CD2AP: variants seen among roughly 807,000 people sequenced by gnomAD.
CD2AP encodes the protein CD2 associated protein.
A neutral mutation model predicts 85.1 loss-of-function variants in CD2AP; 46 were observed. That is an observed-to-expected ratio of 0.54 (90% CI 0.43 to 0.69). CD2AP has a LOEUF of 0.69. Ranked by LOEUF, CD2AP falls within the 30% of genes least tolerant of loss-of-function variation. CD2AP has a pLI of 0.00. For missense variants in CD2AP, 769 were observed against 729.5 expected, an observed-to-expected ratio of 1.05 and a Z score of -0.62; for synonymous variants, 255 against 252.9, an observed-to-expected ratio of 1.01 and a Z score of -0.08.
At chr6:47,580,470 A>C (rs987726912) in intron 9 of CD2AP, among the ~76,000 whole-genome samples, 13 of 152,126 alleles carry the variant, frequency 8.5e-5, no homozygotes, top group East Asian at 3.8e-4. Flanking sequence ...AACAAACAAA[A>C]AAAAAAACGG....
intron 5 of CD2AP, among the ~76,000 whole-genome samples, chr6:47,558,291 C>T (rs1301957041): frequency 4.6e-5 from 7 of 152,182 alleles, no homozygotes; most frequent in African/African-American, 7.2e-5. Context: ...ATTTTACTTC[C>T]TCTCTTCCTA....
At chr6:47,592,785 C>A (rs1768838478) in intron 11 of CD2AP, among the ~76,000 whole-genome samples, 1 of 152,126 alleles carries the variant, frequency 6.6e-6, no homozygotes, top group African/African-American at 2.4e-5. Flanking sequence ...GTTACGGAAA[C>A]TCTGCATCTC....
At chr6:47,551,711 G>A (rs796870916) in intron 4 of CD2AP, among the ~76,000 whole-genome samples, 14 of 152,256 alleles carry the variant, frequency 9.2e-5, no homozygotes, top group African/African-American at 3.4e-4. Context: ...AGCCCAAATG[G>A]CTTGTGTGGG....
At chr6:47,530,550 T>C (rs931552340) in intron 2 of CD2AP, among the ~76,000 whole-genome samples, 3 of 152,256 alleles carry the variant, frequency 2.0e-5, no homozygotes, top group African/African-American at 4.8e-5. Flanking sequence ...TGCTGAGTAG[T>C]GTTCCATTGT....
At chr6:47,512,694 TCTTG>T (rs1267629542) in intron 2 of CD2AP, among the ~76,000 whole-genome samples, 1 of 152,232 alleles carries the variant, frequency 6.6e-6, no homozygotes, top group African/African-American at 2.4e-5. Flanking sequence ...CATTTTGCCA[TCTTG>T]CTTAAGTGTT....
chr6:47,552,345 GC>G (rs1013053296), intron 4 of CD2AP, among the ~76,000 whole-genome samples: 1 of 151,374 alleles, frequency 6.6e-6, no homozygotes, highest in Non-Finnish European at 1.5e-5. Context: ...TCATTCTTAA[GC>G]CTTTGCTTCC....
chr6:47,610,973 T>TATATATA (rs1454709863), intron 16 of CD2AP, among the ~76,000 whole-genome samples: 6 of 30,042 alleles, frequency 2.0e-4, no homozygotes, highest in Non-Finnish European at 3.8e-4. Flanking sequence ...ATATATGTAT[T>TATATATA]TTTTTTTTTT....
At chr6:47,491,254 C>T (rs1765722407) in intron 1 of CD2AP, among the ~76,000 whole-genome samples, 1 of 125,116 alleles carries the variant, frequency 8.0e-6, no homozygotes, top group African/African-American at 2.9e-5. Flanking sequence ...TTCTTTCTTC[C>T]TGATATGTGT....
In CD2AP at chr6:47,482,608, G is replaced by A. The variant is rs1765472724; in HGVS notation, c.4+4360G>A. Among the ~76,000 whole-genome samples the A allele has an allele frequency of 1.3e-5, 2 of 152,036 alleles. 1 individual carries two copies. Among genetic ancestry groups the A allele is most frequent in the South Asian group, 4.2e-4 (2 of 4,818 alleles). ...TTAGCCAGGATGGTCTCGATCTCCT[G>A]ACCTTGTAATCTGCCCCCCTCAGCC... On this transcript the variant is annotated intron_variant, in intron 1 of 17. Coordinates refer to ENST00000359314, the MANE Select transcript of CD2AP (RefSeq NM_012120.3).
intron 2 of CD2AP, among the ~76,000 whole-genome samples, chr6:47,521,016 C>T (rs1008538358): frequency 3.3e-5 from 5 of 152,010 alleles, no homozygotes; most frequent in African/African-American, 1.2e-4. Context: ...GTTCCTGTCC[C>T]TGGCTGGTCT....
intron 3 of CD2AP, among the ~76,000 whole-genome samples, chr6:47,542,394 G>C (rs543009861): frequency 6.6e-6 from 1 of 152,196 alleles, no homozygotes; most frequent in South Asian, 2.1e-4. Context: ...ATATGTAGCA[G>C]ATACTGCTGT....
intron 1 of CD2AP, among the ~76,000 whole-genome samples, chr6:47,480,419 G>A (rs1372968048): frequency 6.6e-6 from 1 of 151,698 alleles, no homozygotes; most frequent in African/African-American, 2.4e-5. Flanking sequence ...AATTTTTTTT[G>A]TGTGTAAGAT....
At chr6:47,576,415 G>A (rs1768313721) in intron 6 of CD2AP, 109 bp from the exon 7 acceptor site, 2 of 786,382 alleles carry the variant, frequency 2.5e-6, no homozygotes, top group African/African-American at 1.7e-5. Flanking sequence ...TACTATCCTA[G>A]CTATAAGTAC....
At chr6:47,605,111 CAGAA>C (rs753479690) in intron 13 of CD2AP, among the ~76,000 whole-genome samples, 1 of 151,872 alleles carries the variant, frequency 6.6e-6, no homozygotes, top group Non-Finnish European at 1.5e-5. Context: ...AAATATCTGA[CAGAA>C]AGTATTATAA....
At chr6:47,488,494 T>A (rs535174369) in intron 1 of CD2AP, among the ~76,000 whole-genome samples, 2 of 152,268 alleles carry the variant, frequency 1.3e-5, no homozygotes, top group African/African-American at 4.8e-5. Flanking sequence ...TATTTCATAA[T>A]GTATTCAGTA....
At chr6:47,570,648 T>TA (rs35123170) in intron 5 of CD2AP, among the ~76,000 whole-genome samples, 1 of 152,116 alleles carries the variant, frequency 6.6e-6, no homozygotes, top group Non-Finnish European at 1.5e-5. Context: ...TTTAAAGTTT[T>TA]AAAAAAATAA....
intron 12 of CD2AP, among the ~76,000 whole-genome samples, chr6:47,597,291 C>T (rs1768979012): frequency 6.6e-6 from 1 of 150,804 alleles, no homozygotes; most frequent in African/African-American, 2.4e-5. Context: ...AAGGCCCTCT[C>T]CTGCCACCCA....
chr6:47,536,535 G>A (rs1036704489), intron 3 of CD2AP, among the ~76,000 whole-genome samples: 9 of 152,130 alleles, frequency 5.9e-5, no homozygotes, highest in Admixed American at 1.3e-4. Flanking sequence ...TCCAAAAACT[G>A]GATTGGACTA....
At chr6:47,538,228 A>ATTTTT (rs1767105252) in intron 3 of CD2AP, among the ~76,000 whole-genome samples, 1 of 151,970 alleles carries the variant, frequency 6.6e-6, no homozygotes, top group African/African-American at 2.4e-5. Context: ...AAATAAATTG[A>ATTTTT]TTTTTATTTT....
Sources: allele counts gnomAD v4.1 joint callset (sites outside exome capture counted in the v4.1 genomes callset), GRCh38; gene constraint gnomAD v4.1.1; transcripts MANE v1.5; gene names NCBI Gene and HGNC (gene_info 2026-07-23, HGNC 2026-07-21).